Variants in DIS3 observed in about 807,000 individuals in gnomAD.
DIS3 encodes exosome complex exonuclease RRP44.
In DIS3, 103 loss-of-function variants were observed where a neutral mutation model predicts 113.0. The observed-to-expected ratio is 0.91, with a 90% CI of 0.78 to 1.07. DIS3 has a LOEUF of 1.07. DIS3 is among the 50% of genes least tolerant of loss of function. DIS3 has a pLI of 0.00. For synonymous variants in DIS3, 402 were observed against 394.3 expected (o/e 1.02, Z -0.23); for missense variants, 1,121 against 1,167.1 (o/e 0.96, Z 0.58).
chr13:72,764,124 G>A (rs1300731809), intron 15 of DIS3, among the ~76,000 whole-genome samples: 1 of 152,016 alleles, frequency 6.6e-6, no homozygotes. Flanking sequence ...TGCACTCCAG[G>A]CTGGGTGACA....
rs766303710 is a variant in DIS3, at chr13:72,776,045, TA to T, written c.701del (p.Leu234Ter). ...GKIIFSEHLP[L>X]SKLQQGIKSG... Reference sequence around the variant, plus strand: ...ATTTTATGCCTTGCTGTAGCTTACTTAAGGGAAGATGCTCTGAAAATATTAT... The same window carrying T: ...ATTTTATGCCTTGCTGTAGCTTACTTAGGGAAGATGCTCTGAAAATATTAT... On this transcript the variant is annotated frameshift_variant, in exon 5 of 21. Coordinates refer to ENST00000377767, the MANE Select transcript of DIS3 (RefSeq NM_014953.5). LOFTEE classifies it high-confidence loss of function. 1 of 1,605,788 alleles carries T rather than the reference TA, an allele frequency of 6.2e-7. No individual in the cohort carries two copies. The highest frequency in any genetic ancestry group is 8.5e-7 in the Non-Finnish European group (1 of 1,177,880).
At chr13:72,766,251 A>C (rs2033748737) in intron 14 of DIS3, among the ~76,000 whole-genome samples, 193 bp from the exon 15 acceptor site, 1 of 152,212 alleles carries the variant, frequency 6.6e-6, no homozygotes, top group East Asian at 1.9e-4. Context: ...TGAACAGCTC[A>C]GTAGATTTAA....
At chr13:72,766,622 G>A (rs1451404510) in intron 14 of DIS3, among the ~76,000 whole-genome samples, 1 of 152,130 alleles carries the variant, frequency 6.6e-6, no homozygotes, top group Non-Finnish European at 1.5e-5. Flanking sequence ...ATTGCTAAGT[G>A]TCAGATAAAC....
chr13:72,770,185 CT>C (rs2033850758), intron 13 of DIS3, among the ~76,000 whole-genome samples: 1 of 152,062 alleles, frequency 6.6e-6, no homozygotes, highest in South Asian at 2.1e-4. Flanking sequence ...ACTAGTTGGT[CT>C]TTTCAAGTAT....
In DIS3 at chr13:72,752,746, C is replaced by T. The variant is rs2033311176; in HGVS notation, c.*7049G>A. The T allele has an allele frequency of 6.7e-6, 1 of 149,146 alleles. No homozygotes were observed. The highest frequency in any genetic ancestry group is 2.5e-5 in the African/African-American group (1 of 40,254). The allele number at this position is 149,146 out of a possible 1,614,324, so 9.2% of individuals were successfully genotyped here. ...GCAGATATGTATCCAGCCTTGAAAT[C>T]TGGGAACATTTTTTCAGGATTATTA... is the stretch of plus-strand genomic sequence containing the variant. On this transcript the variant is annotated 3_prime_UTR_variant, in exon 21 of 21. Coordinates refer to ENST00000377767, the MANE Select transcript of DIS3 (RefSeq NM_014953.5).
chr13:72,773,705 G>C lies in DIS3; in HGVS notation c.1218C>G (p.Pro406=). 6.2e-7 allele frequency: 1 copy of C among 1,610,294 alleles called. No homozygotes were observed. The highest frequency in any genetic ancestry group is 1.3e-5 in the African/African-American group (1 of 74,832). Residue 406 remains proline, a synonymous_variant, in exon 8 of 21, where the codon CCC becomes CCG. Transcript: ENST00000377767. ...TTACATTTGGATATCTGGAATTTCT[G>C]GGCCAACCATCAATAGCAACAATAA... ...RRIIVAIDGW[P]RNSRYPNGHF... is the part of the protein sequence containing the mutation.
rs1378354723 is a variant in DIS3 at position 72,775,918 on chromosome 13, T to C, written c.822+7A>G. The C allele has an allele frequency of 1.3e-6, 2 of 1,595,210 alleles. No homozygotes were observed. The highest frequency in any genetic ancestry group is 2.2e-5 in the East Asian group (1 of 44,598). ...TTAGTGTATAAGGAATTTATTTATA[T>C]ACTTGCCTCTTTATTTTCTTCATTG... On this transcript the variant is annotated splice_region_variant and intron_variant, in intron 5 of 20. Coordinates refer to ENST00000377767, the MANE Select transcript of DIS3 (RefSeq NM_014953.5).
At chr13:72,761,323 T>C (rs2033617003) in intron 19 of DIS3, 40 bp downstream of exon 19, 2 of 1,563,632 alleles carry the variant, frequency 1.3e-6, no homozygotes, top group Non-Finnish European at 1.7e-6. Context: ...AAAGAAAAAG[T>C]GCCCCCCGGA....
chr13:72,767,097 T>C (rs1018060183), intron 14 of DIS3, among the ~76,000 whole-genome samples: 1 of 152,150 alleles, frequency 6.6e-6, no homozygotes, highest in African/African-American at 2.4e-5. Context: ...TTTTTCCTCA[T>C]AGAACACCTA....
chr13:72,755,683 T>C lies in DIS3; in HGVS notation c.*4112A>G, dbSNP rs1456325394. 4 of 393,500 alleles carry C rather than the reference T, an allele frequency of 1.0e-5. No individual in the cohort carries two copies. The highest frequency in any genetic ancestry group is 4.1e-5 in the African/African-American group (2 of 48,512). The allele number at this position is 393,500 out of a possible 1,614,324, so 24.4% of individuals were successfully genotyped here. A position where few individuals can be genotyped will look rare whatever the true frequency, so the allele number is the denominator to read the frequency against. Reference sequence around the variant, plus strand: ...AGATATAAAACTAACTTTTCAAAGATACAAAAGAAATTAAACAGGTTTCCT... The same window carrying C: ...AGATATAAAACTAACTTTTCAAAGACACAAAAGAAATTAAACAGGTTTCCT... On this transcript the variant is annotated 3_prime_UTR_variant, in exon 21 of 21. Coordinates refer to ENST00000377767, the MANE Select transcript of DIS3 (RefSeq NM_014953.5).
chr13:72,775,333 C>T lies in DIS3; in HGVS notation c.865G>A (p.Glu289Lys), dbSNP rs777245855. ...AGAAGCTCCACAGCCACAATATCTT[C>T]GTGAACAGCTCTGTTTAAATGTTTA... is the stretch of plus-strand genomic sequence containing the variant. ...GLKHLNRAVH[E>K]DIVAVELLPK... is the part of the protein sequence containing the mutation. The change falls in exon 6 of 21, where the codon GAA (glutamate) becomes AAA (lysine). Residue 289 changes from glutamate (E) to lysine (K), a missense_variant. Coordinates refer to ENST00000377767, the MANE Select transcript of DIS3 (RefSeq NM_014953.5). The T allele has an allele frequency of 6.8e-6, 11 of 1,613,296 alleles. No individual in the cohort carries two copies. Among genetic ancestry groups the T allele is most frequent in the East Asian group, 6.7e-5 (3 of 44,852 alleles).
In DIS3 at chr13:72,753,044, TC is replaced by T. The variant is rs1426128878; in HGVS notation, c.*6750del. The T allele has an allele frequency of 6.6e-6, 1 of 152,204 alleles. No individual in the cohort carries two copies. The highest frequency in any genetic ancestry group is 2.4e-5 in the African/African-American group (1 of 41,458). The allele number at this position is 152,204 out of a possible 1,614,324, so 9.4% of individuals were successfully genotyped here. A position where few individuals can be genotyped will look rare whatever the true frequency, so the allele number is the denominator to read the frequency against. ...AGCTTTTTAAGCCTTAATTTCCTTC[TC>T]TAGTAAAGTATTAGGGTTGTTGAAA... On this transcript the variant is annotated 3_prime_UTR_variant, in exon 21 of 21. Coordinates refer to ENST00000377767, the MANE Select transcript of DIS3 (RefSeq NM_014953.5).
intron 8 of DIS3, 112 bp downstream of exon 8, chr13:72,773,572 A>G: frequency 8.1e-7 from 1 of 1,238,446 alleles, no homozygotes; most frequent in Non-Finnish European, 1.1e-6. Flanking sequence ...AAATATCTCT[A>G]AATTTCAGTA....
At position 72,781,347 on chromosome 13, in the gene DIS3, C is replaced by T. The variant is rs1237315034; in HGVS notation, c.228+258G>A. On this transcript the variant is annotated intron_variant, in intron 1 of 20. Transcript: ENST00000377767. ...GAAGCCCAGGTCCCCGGCCTCCAGG[C>T]ACTTACAATCTAAGGCAGAAGAGAC... The T allele has an allele frequency of 1.9e-6, 3 of 1,551,176 alleles. No homozygotes were observed. In the Admixed American group the frequency reaches 5.9e-5, roughly 30 times the overall value.
Position 72,759,242 on chromosome 13 carries a change from T to C in DIS3, c.*553A>G, listed in dbSNP as rs2138143622. ...TGCCTTTCTACCAATTCCCAAACAT[T>C]CACAGTTTTTCAAGGACCACTAATA... is the stretch of plus-strand genomic sequence containing the variant. On this transcript the variant is annotated 3_prime_UTR_variant, in exon 21 of 21. Transcript: ENST00000377767. 1 of 199,908 alleles carries C rather than the reference T, an allele frequency of 5.0e-6. No homozygotes were observed. Among genetic ancestry groups the C allele is most frequent in the East Asian group, 7.8e-5 (1 of 12,878 alleles). The allele number at this position is 199,908 out of a possible 1,614,324, so 12.4% of individuals were successfully genotyped here. A position where few individuals can be genotyped will look rare whatever the true frequency, so the allele number is the denominator to read the frequency against.
At chr13:72,781,572 G>GCCGCGCTGTCCGCGGTTCGCCCGCCCA (rs1206815752) in intron 1 of DIS3, 33 bp downstream of exon 1, 1 of 1,482,156 alleles carries the variant, frequency 6.7e-7, no homozygotes, top group Admixed American at 2.4e-5. Flanking sequence ...TCCCCGTGGG[G>GCCGCGCTGTCCGCGGTTCGCCCGCCCA]CCGCGCTGTC....
In DIS3 at chr13:72,761,932, G is replaced by A; in HGVS notation, c.2333C>T (p.Pro778Leu). The change falls in exon 17 of 21, where the codon CCC becomes CTC. Residue 778 changes from proline to leucine, a missense_variant. Physicochemically the swap from Pro to Leu is moderately conservative, Grantham distance 98. Coordinates refer to ENST00000377767, the MANE Select transcript of DIS3 (RefSeq NM_014953.5). ...ASPIYTHFTS[P>L]IRRYADVIVH... ...CATAAGGAAAAAATACCTTCTAATG[G>A]GTGAAGTAAAATGTGTGTATATTGG... The A allele has an allele frequency of 6.2e-7, 1 of 1,613,962 alleles. No individual in the cohort carries two copies. The highest frequency in any genetic ancestry group is 1.1e-5 in the South Asian group (1 of 91,052).
rs770871664 is a variant in DIS3 at position 72,760,517 on chromosome 13, G to A, written c.2793+12C>T. Reference sequence around the variant, plus strand: ...TTCCATCACAACAAGGAAATTTTAAGTTTGGCCTTACCTGTGGTTCTACCA... The same window carrying A: ...TTCCATCACAACAAGGAAATTTTAAATTTGGCCTTACCTGTGGTTCTACCA... On this transcript the variant is annotated intron_variant, in intron 20 of 20. Coordinates refer to ENST00000377767, the MANE Select transcript of DIS3 (RefSeq NM_014953.5). The A allele has an allele frequency of 3.8e-5, 62 of 1,613,104 alleles. No homozygotes were observed. Among genetic ancestry groups the A allele is most frequent in the Non-Finnish European group, 5.2e-5 (61 of 1,179,502 alleles).
At chr13:72,772,646 C>T (rs777500781) in intron 9 of DIS3, 47 bp downstream of exon 9, 20 of 1,548,630 alleles carry the variant, frequency 1.3e-5, no homozygotes, top group Non-Finnish European at 1.7e-5. Flanking sequence ...CAAAACTAGG[C>T]AGGATATAAT....
Sources: allele counts gnomAD v4.1 joint callset (sites outside exome capture counted in the v4.1 genomes callset), GRCh38; gene constraint gnomAD v4.1.1; transcripts MANE v1.5; gene names NCBI Gene and HGNC (gene_info 2026-07-23, HGNC 2026-07-21).